Variants in NCKAP5 observed in about 807,000 individuals in gnomAD.
NCKAP5 encodes the protein NCK associated protein 5.
A neutral mutation model predicts 167.0 loss-of-function variants in NCKAP5; 92 were observed. The observed-to-expected ratio is 0.55, with a 90% CI of 0.47 to 0.66. The LOEUF is 0.66. NCKAP5 is among the 30% of genes least tolerant of loss of function. NCKAP5 has a pLI of 0.00. For synonymous variants in NCKAP5, 891 were observed against 877.4 expected (o/e 1.02, Z -0.27); for missense variants, 2,378 against 2,315.0 (o/e 1.03, Z -0.56).
At chr2:133,448,644 T>C (rs1691358409) in intron 3 of NCKAP5, among the ~76,000 whole-genome samples, 1 of 152,188 alleles carries the variant, frequency 6.6e-6, no homozygotes, top group Non-Finnish European at 1.5e-5. Flanking sequence ...AATCAGAGTT[T>C]CTTCTTTATT....
chr2:132,733,646 T>C (rs1410429711), intron 16 of NCKAP5, among the ~76,000 whole-genome samples: 1 of 152,240 alleles, frequency 6.6e-6, no homozygotes, highest in African/African-American at 2.4e-5. Context: ...AGATATCTGA[T>C]AGGTGAACAG....
At chr2:133,277,455 C>A (rs10928448) in intron 4 of NCKAP5, among the ~76,000 whole-genome samples, 39,155 of 151,796 alleles carry the variant, frequency 0.26, 5,172 homozygotes, top group Middle Eastern at 0.29. Context: ...AATTAGAAGT[C>A]GAAATGTATA....
chr2:132,789,464 C>T (rs1683871119), intron 13 of NCKAP5, among the ~76,000 whole-genome samples: 1 of 152,196 alleles, frequency 6.6e-6, no homozygotes, highest in Non-Finnish European at 1.5e-5. Flanking sequence ...TCAATATCTC[C>T]TGGGAGTTCT....
intron 8 of NCKAP5, among the ~76,000 whole-genome samples, chr2:132,933,011 G>A (rs1289344209): frequency 4.2e-5 from 6 of 143,734 alleles, no homozygotes; most frequent in African/African-American, 7.9e-5. Context: ...TGCAAGCTCC[G>A]CCTCCCGGGT....
intron 5 of NCKAP5, among the ~76,000 whole-genome samples, chr2:133,156,523 A>T (rs1479953939): frequency 3.3e-5 from 5 of 152,198 alleles, no homozygotes. Context: ...CCTTTCATAT[A>T]CAATGTTTCC....
Position 132,784,222 on chromosome 2 carries a change from T to C in NCKAP5, c.2589A>G (p.Pro863=), listed in dbSNP as rs778814981. 5.0e-6 allele frequency: 8 copies of C among 1,595,452 alleles called. No individual in the cohort carries two copies. The highest frequency in any genetic ancestry group is 6.8e-6 in the Non-Finnish European group (8 of 1,172,490). Residue 863 remains proline (P), a synonymous_variant, in exon 14 of 20, where the codon CCA becomes CCG. Transcript: ENST00000409261. ...GTTGGGCGGAATGTTTTGGAATGTG[T>C]GGATCTGATCGTAATTCAAAGAGGG... The part of the protein sequence containing the change: ...SGPLFELRSD[P]HIPKHSAQLP...
chr2:133,376,008 C>T (rs752419503), intron 3 of NCKAP5, among the ~76,000 whole-genome samples: 9 of 152,164 alleles, frequency 5.9e-5, no homozygotes, highest in African/African-American at 9.7e-5. Flanking sequence ...TCAGCTCCTG[C>T]AGGACCAAAT....
intron 5 of NCKAP5, among the ~76,000 whole-genome samples, chr2:133,134,097 T>C (rs1357766897): frequency 1.3e-5 from 2 of 152,232 alleles, no homozygotes; most frequent in African/African-American, 4.8e-5. Flanking sequence ...CTCCACCCAG[T>C]TGAACTGCAT....
At chr2:133,167,498 G>A (rs1192978288) in intron 5 of NCKAP5, among the ~76,000 whole-genome samples, 1 of 152,154 alleles carries the variant, frequency 6.6e-6, no homozygotes, top group Non-Finnish European at 1.5e-5. Flanking sequence ...ATACATGGTA[G>A]ATAGGAAAGA....
intron 7 of NCKAP5, among the ~76,000 whole-genome samples, chr2:132,976,183 C>A (rs2076972006): frequency 6.6e-6 from 1 of 152,024 alleles, no homozygotes; most frequent in Admixed American, 6.6e-5. Context: ...AGAAGATGAA[C>A]TCAGAATCAG....
chr2:133,391,397 C>T (rs1687396293), intron 3 of NCKAP5: 1 of 153,504 alleles, frequency 6.5e-6, no homozygotes, highest in South Asian at 2.1e-4. Context: ...ACCCTCACAT[C>T]CCGAAGTCTA....
At chr2:132,929,998 C>T (rs1353423995) in intron 8 of NCKAP5, 3 of 152,206 alleles carry the variant, frequency 2.0e-5, no homozygotes, top group African/African-American at 7.2e-5. Context: ...CGTGATCTGA[C>T]TTGTCTGAGA....
chr2:133,517,128 T>A (rs1007063390), intron 3 of NCKAP5, among the ~76,000 whole-genome samples: 1 of 152,218 alleles, frequency 6.6e-6, no homozygotes, highest in South Asian at 2.1e-4. Context: ...AAATGGGGGA[T>A]GGAACAACTA....
At chr2:133,266,635 T>A (rs1297792254) in intron 4 of NCKAP5, among the ~76,000 whole-genome samples, 1 of 152,116 alleles carries the variant, frequency 6.6e-6, no homozygotes, top group African/African-American at 2.4e-5. Context: ...AGCCGGGAGT[T>A]GCCAAACTTG....
chr2:133,240,747 T>C (rs1201469854), intron 4 of NCKAP5, among the ~76,000 whole-genome samples: 2 of 152,186 alleles, frequency 1.3e-5, no homozygotes, highest in Non-Finnish European at 2.9e-5. Flanking sequence ...CATATGGCAG[T>C]TCCACCAACC....
intron 5 of NCKAP5, among the ~76,000 whole-genome samples, chr2:133,158,876 G>A (rs1288880187): frequency 6.6e-6 from 1 of 150,838 alleles, no homozygotes; most frequent in African/African-American, 2.4e-5. Context: ...AGGGTCAAAA[G>A]GGAGAGGGAA....
At chr2:132,994,996 G>T (rs1207150633) in intron 6 of NCKAP5, among the ~76,000 whole-genome samples, 2 of 152,010 alleles carry the variant, frequency 1.3e-5, no homozygotes, top group East Asian at 3.9e-4. Context: ...CCATATAAAA[G>T]ACTTAAAATG....
At chr2:133,450,491 G>T (rs141419637) in intron 3 of NCKAP5, among the ~76,000 whole-genome samples, 2 of 152,092 alleles carry the variant, frequency 1.3e-5, no homozygotes, top group East Asian at 3.9e-4. Context: ...TTGACTATTC[G>T]GATGCATACT....
chr2:132,858,996 T>G (rs144483171), intron 11 of NCKAP5, among the ~76,000 whole-genome samples: 297 of 152,310 alleles, frequency 1.9e-3, no homozygotes, highest in African/African-American at 6.9e-3. Flanking sequence ...AAAGTAATTC[T>G]AATATTGAAT....
Sources: allele counts gnomAD v4.1 joint callset (sites outside exome capture counted in the v4.1 genomes callset), GRCh38; gene constraint gnomAD v4.1.1; transcripts MANE v1.5; gene names NCBI Gene and HGNC (gene_info 2026-07-23, HGNC 2026-07-21).